The following SLC25A21 variants were observed in gnomAD, a reference collection of about 807,000 sequenced individuals.
SLC25A21 encodes solute carrier family 25 member 21, also known as mitochondrial 2-oxodicarboxylate carrier.
In SLC25A21, 47 loss-of-function variants were observed where a neutral mutation model predicts 43.8. The observed-to-expected ratio is 1.07, with a 90% confidence interval of 0.85 to 1.37. SLC25A21 has a LOEUF of 1.37. Among genes scored for constraint, SLC25A21 ranks in the 40% most tolerant of loss-of-function variants. The pLI is 0.00. For missense variants in SLC25A21, 352 were observed against 350.2 expected, an observed-to-expected ratio of 1.00 and a Z score of -0.04; for synonymous variants, 131 against 121.3, an observed-to-expected ratio of 1.08 and a Z score of -0.52.
At chr14:37,060,420 A>G (rs1012407881) in intron 1 of SLC25A21, among the ~76,000 whole-genome samples, 12 of 138,846 alleles carry the variant, frequency 8.6e-5, no homozygotes, top group Admixed American at 1.4e-4. Context: ...TAATAATAAT[A>G]ATAATGATGT....
At chr14:36,758,874 T>C (rs530351247) in intron 3 of SLC25A21, among the ~76,000 whole-genome samples, 7 of 152,112 alleles carry the variant, frequency 4.6e-5, no homozygotes, top group Admixed American at 3.9e-4. Flanking sequence ...AACAATCAAG[T>C]GTGAGTTACA....
chr14:36,685,199 G>A (rs1882481863), intron 7 of SLC25A21, among the ~76,000 whole-genome samples: 1 of 152,200 alleles, frequency 6.6e-6, no homozygotes, highest in Non-Finnish European at 1.5e-5. Context: ...TATGGCATAT[G>A]GGGATGATTT....
rs1882127221 is a variant in SLC25A21, at chr14:36,679,859, C to CAAAG, written c.*795_*798dup. ...ATATCTCATCAACAAAACTTATCTTCAAAGAGAACTATGTGGAGGAAAGTA... is the reference window on the plus strand; with the variant it reads ...ATATCTCATCAACAAAACTTATCTTCAAAGAAAGAGAACTATGTGGAGGAAAGTA... On this transcript the variant is annotated 3_prime_UTR_variant, in exon 10 of 10. Transcript: ENST00000331299. 2.0e-6 allele frequency: 2 copies of CAAAG among 982,936 alleles called. No individual in the cohort carries two copies. The highest frequency in any genetic ancestry group is 2.4e-6 in the Non-Finnish European group (2 of 827,710). 60.9% of individuals were successfully genotyped at this position (982,936 alleles called of 1,614,324 possible).
chr14:36,881,007 A>G (rs1890703970), intron 1 of SLC25A21, among the ~76,000 whole-genome samples: 2 of 152,202 alleles, frequency 1.3e-5, no homozygotes, highest in Non-Finnish European at 2.9e-5. Flanking sequence ...AAGGCTTTAC[A>G]TGTAAAGGGA....
chr14:36,862,086 C>G (rs1312404226), intron 2 of SLC25A21, among the ~76,000 whole-genome samples: 2 of 152,140 alleles, frequency 1.3e-5, no homozygotes, highest in Non-Finnish European at 1.5e-5. Context: ...GTTAGAATGG[C>G]AATCATTGAA....
At chr14:36,685,936 C>G (rs935089422) in intron 7 of SLC25A21, among the ~76,000 whole-genome samples, 2 of 152,198 alleles carry the variant, frequency 1.3e-5, no homozygotes, top group Admixed American at 6.6e-5. Flanking sequence ...CTGACTCCGA[C>G]CCCCCACCCT....
At chr14:36,694,466 T>G (rs1213976323) in intron 7 of SLC25A21, among the ~76,000 whole-genome samples, 2 of 152,224 alleles carry the variant, frequency 1.3e-5, no homozygotes, top group African/African-American at 4.8e-5. Context: ...ATTCTAGTTC[T>G]AGATCCTTGA....
chr14:37,040,015 T>C (rs897639768), intron 1 of SLC25A21, among the ~76,000 whole-genome samples: 29 of 145,584 alleles, frequency 2.0e-4, no homozygotes, highest in Admixed American at 2.7e-4. Context: ...GCCAACATGA[T>C]GAAACCCCAT....
At chr14:37,087,122 CAG>C in intron 1 of SLC25A21, among the ~76,000 whole-genome samples, 1 of 152,250 alleles carries the variant, frequency 6.6e-6, no homozygotes, top group East Asian at 1.9e-4. Flanking sequence ...CTTCATTAAA[CAG>C]TTTTTTAATG....
At chr14:36,914,812 C>T (rs79120470) in intron 1 of SLC25A21, among the ~76,000 whole-genome samples, 6,922 of 152,052 alleles carry the variant, frequency 0.046, 294 homozygotes, top group Middle Eastern at 0.14. Flanking sequence ...ATTTATATTT[C>T]CCTAAAATTT....
At chr14:36,707,621 T>C (rs1172191936) in intron 7 of SLC25A21, among the ~76,000 whole-genome samples, 2 of 152,214 alleles carry the variant, frequency 1.3e-5, no homozygotes, top group African/African-American at 4.8e-5. Flanking sequence ...AGAATTCATT[T>C]GGCAAAGGAA....
At chr14:37,131,074 G>T (rs1963384381) in intron 1 of SLC25A21, among the ~76,000 whole-genome samples, 2 of 152,166 alleles carry the variant, frequency 1.3e-5, no homozygotes, top group South Asian at 4.1e-4. Flanking sequence ...CTTGACTAGT[G>T]ATGACTAAAC....
At chr14:36,700,423 A>T (rs1034507080) in intron 7 of SLC25A21, among the ~76,000 whole-genome samples, 23 of 152,228 alleles carry the variant, frequency 1.5e-4, no homozygotes, top group African/African-American at 5.1e-4. Flanking sequence ...GATGCACTAT[A>T]GTAGGACAGA....
At chr14:37,063,266 G>A (rs1037834822) in intron 1 of SLC25A21, among the ~76,000 whole-genome samples, 3 of 152,064 alleles carry the variant, frequency 2.0e-5, no homozygotes, top group African/African-American at 4.8e-5. Context: ...TTGGGAGGCC[G>A]AGATGGGTGG....
intron 1 of SLC25A21, among the ~76,000 whole-genome samples, chr14:37,022,236 T>C (rs536720666): frequency 2.6e-5 from 4 of 152,158 alleles, no homozygotes; most frequent in Non-Finnish European, 4.4e-5. Context: ...TTTGTAATAA[T>C]AATTTTACAC....
At chr14:36,824,031 T>C (rs1216143447) in intron 2 of SLC25A21, among the ~76,000 whole-genome samples, 1 of 152,172 alleles carries the variant, frequency 6.6e-6, no homozygotes, top group Non-Finnish European at 1.5e-5. Flanking sequence ...ACAGAAAGTA[T>C]GCACTAGAGA....
chr14:36,874,211 T>C (rs979631255), intron 2 of SLC25A21, among the ~76,000 whole-genome samples: 11 of 152,220 alleles, frequency 7.2e-5, no homozygotes, highest in Non-Finnish European at 1.5e-5. Context: ...ACCACCATTA[T>C]TGCACAGCAT....
At chr14:37,158,246 CCT>C (rs759687098) in intron 1 of SLC25A21, among the ~76,000 whole-genome samples, 7 of 152,110 alleles carry the variant, frequency 4.6e-5, no homozygotes, top group Admixed American at 3.9e-4. Context: ...CCAGTATCAC[CCT>C]GATACCAAAA....
chr14:36,785,056 A>T (rs1462626157), intron 3 of SLC25A21, among the ~76,000 whole-genome samples: 1 of 152,182 alleles, frequency 6.6e-6, no homozygotes, highest in Non-Finnish European at 1.5e-5. Flanking sequence ...GGTGGTAGCC[A>T]GGGGAAGACA....
Sources: gnomAD v4.1 joint callset for allele counts (sites outside exome capture counted in the v4.1 genomes callset) on GRCh38, gnomAD v4.1.1 for gene constraint, MANE v1.5 for transcripts, NCBI Gene and HGNC (gene_info 2026-07-23, HGNC 2026-07-21) for gene names.